The following CNTNAP2 variants were observed in gnomAD, a reference collection of about 807,000 sequenced individuals.
The protein encoded by CNTNAP2 is contactin-associated protein-like 2.
A neutral mutation model predicts 155.2 loss-of-function variants in CNTNAP2; 98 were observed. The ratio of observed to expected loss-of-function variants is 0.63; its 90% CI spans 0.54 to 0.75. The LOEUF is 0.75. Ranked by LOEUF, CNTNAP2 falls within the 30% of genes least tolerant of loss-of-function variation. The probability of loss-of-function intolerance (pLI) is 0.00; values close to 1 mark genes in which losing one functional copy is unlikely to be tolerated. For missense variants in CNTNAP2, 1,727 were observed against 1,688.1 expected (o/e 1.02, Z -0.40); for synonymous variants, 651 against 631.2 (o/e 1.03, Z -0.47).
chr7:147,917,339 A>C (rs752155840), intron 14 of CNTNAP2, among the ~76,000 whole-genome samples: 1 of 152,216 alleles, frequency 6.6e-6, no homozygotes, highest in Non-Finnish European at 1.5e-5. Flanking sequence ...TGCATATAAC[A>C]GAAAAATAAC....
intron 4 of CNTNAP2, among the ~76,000 whole-genome samples, chr7:147,072,051 G>A (rs138046030): frequency 3.9e-3 from 592 of 152,188 alleles, no homozygotes; most frequent in Non-Finnish European, 6.6e-3. Flanking sequence ...GTGCTCTCAA[G>A]GTAATAGAAG....
At chr7:146,552,164 T>G (rs1310296352) in intron 1 of CNTNAP2, among the ~76,000 whole-genome samples, 2 of 152,198 alleles carry the variant, frequency 1.3e-5, no homozygotes, top group South Asian at 2.1e-4. Flanking sequence ...TCATTATAGC[T>G]TTATCATGCC....
chr7:146,483,332 T>TAC (rs1563101867), intron 1 of CNTNAP2, among the ~76,000 whole-genome samples: 1 of 115,280 alleles, frequency 8.7e-6, no homozygotes, highest in African/African-American at 3.3e-5. Flanking sequence ...TATATATACA[T>TAC]ATATATATAT....
At chr7:146,482,257 AAAAG>A (rs1451734049) in intron 1 of CNTNAP2, among the ~76,000 whole-genome samples, 2 of 151,222 alleles carry the variant, frequency 1.3e-5, no homozygotes, top group African/African-American at 4.8e-5. Context: ...AAAAAGTAGA[AAAAG>A]AAGGAGAGTT....
At chr7:146,453,560 A>C (rs1796512555) in intron 1 of CNTNAP2, among the ~76,000 whole-genome samples, 1 of 152,198 alleles carries the variant, frequency 6.6e-6, no homozygotes, top group African/African-American at 2.4e-5. Flanking sequence ...ACTAAGCAGG[A>C]AAATATAACC....
At chr7:146,812,118 G>T (rs1473742692) in intron 2 of CNTNAP2, among the ~76,000 whole-genome samples, 1 of 152,074 alleles carries the variant, frequency 6.6e-6, no homozygotes, top group Admixed American at 6.6e-5. Context: ...TTTGGAACTG[G>T]GTAACAGACA....
At chr7:148,129,461 G>A (rs1804782110) in intron 16 of CNTNAP2, among the ~76,000 whole-genome samples, 1 of 152,118 alleles carries the variant, frequency 6.6e-6, no homozygotes, top group Non-Finnish European at 1.5e-5. Flanking sequence ...CTGGGTGGTA[G>A]AAATAGTCTT....
intron 8 of CNTNAP2, among the ~76,000 whole-genome samples, chr7:147,260,193 G>A (rs554611798): frequency 6.6e-6 from 1 of 152,286 alleles, no homozygotes; most frequent in African/African-American, 2.4e-5. Context: ...TTCCTAGTTT[G>A]CAACTTAACG....
chr7:147,867,961 T>C (rs886229808), intron 13 of CNTNAP2, among the ~76,000 whole-genome samples: 6 of 152,314 alleles, frequency 3.9e-5, no homozygotes, highest in East Asian at 1.9e-4. Flanking sequence ...AGCTTGTCAA[T>C]GTCATTCTCT....
rs183916672 is a variant in CNTNAP2 at position 146,588,764 on chromosome 7, C to T, written c.98-185507C>T. 8.7e-4 allele frequency among the ~76,000 whole-genome samples: 133 copies of T among 152,184 alleles called. 1 individual carries two copies. Among genetic ancestry groups the T allele is most frequent in the African/African-American group, 3.0e-3 (124 of 41,522 alleles). ...GCTCAAGCTATCGGCCGGCCTGTGCCTCCCAAAATGCTGGGGTTACAGGTG... is the reference window on the plus strand; with the variant it reads ...GCTCAAGCTATCGGCCGGCCTGTGCTTCCCAAAATGCTGGGGTTACAGGTG... On this transcript the variant is annotated intron_variant, in intron 1 of 23. Coordinates refer to ENST00000361727, the MANE Select transcript of CNTNAP2 (RefSeq NM_014141.6).
At chr7:147,661,252 G>A (rs759922600) in intron 13 of CNTNAP2, among the ~76,000 whole-genome samples, 1 of 150,810 alleles carries the variant, frequency 6.6e-6, no homozygotes, top group African/African-American at 2.5e-5. Flanking sequence ...AGAATGCCGT[G>A]TCATTTTTTT....
chr7:147,651,694 T>C (rs1795453381), intron 13 of CNTNAP2, among the ~76,000 whole-genome samples: 2 of 152,152 alleles, frequency 1.3e-5, no homozygotes, highest in Admixed American at 6.5e-5. Flanking sequence ...CAATGGCAAT[T>C]TGAGAGAATC....
rs190615341 is a variant in CNTNAP2, at chr7:147,215,859, T to A, written c.1348+83350T>A. On this transcript the variant is annotated intron_variant, in intron 8 of 23. Coordinates refer to ENST00000361727, the MANE Select transcript of CNTNAP2 (RefSeq NM_014141.6). ...TGCATCCTGGCCAATATTTGGTTTT[T>A]AAAGTGTTCTGGATTTTGGCCATTT... 2.6e-3 allele frequency among the ~76,000 whole-genome samples: 401 copies of A among 152,282 alleles called. 1 individual carries two copies. Among genetic ancestry groups the A allele is most frequent in the African/African-American group, 9.1e-3 (377 of 41,578 alleles).
intron 2 of CNTNAP2, among the ~76,000 whole-genome samples, chr7:146,823,847 G>A (rs183548516): frequency 2.4e-4 from 37 of 151,896 alleles, no homozygotes; most frequent in African/African-American, 6.8e-4. Context: ...CTTGGACCCC[G>A]TATTCTATAA....
intron 1 of CNTNAP2, among the ~76,000 whole-genome samples, chr7:146,617,735 A>C (rs2129155479): frequency 6.6e-6 from 1 of 152,352 alleles, no homozygotes; most frequent in African/African-American, 2.4e-5. Context: ...ATTTTGAAAC[A>C]GTAATAGTGA....
chr7:146,294,663 C>T (rs1366569144), intron 1 of CNTNAP2, among the ~76,000 whole-genome samples: 1 of 152,028 alleles, frequency 6.6e-6, no homozygotes, highest in Non-Finnish European at 1.5e-5. Context: ...TTCAGTTTAC[C>T]ACTATAGACT....
chr7:146,898,565 G>GTA lies in CNTNAP2; in HGVS notation c.402+58663_402+58664dup, dbSNP rs200347740. Among the ~76,000 whole-genome samples the GTA allele has an allele frequency of 9.3e-3, 1,410 of 151,938 alleles. 17 individuals carry two copies. The highest frequency in any genetic ancestry group is 0.033 in the African/African-American group (1,367 of 41,454). Reference sequence around the variant, plus strand: ...AATGGCATCTATTGTGTGTGTGTGTGTATGAATAATCTAATTGAGTGTATA... The same window carrying GTA: ...AATGGCATCTATTGTGTGTGTGTGTGTATATGAATAATCTAATTGAGTGTATA... On this transcript the variant is annotated intron_variant, in intron 3 of 23. Transcript: ENST00000361727.
chr7:147,234,374 G>A (rs975042293), intron 8 of CNTNAP2, among the ~76,000 whole-genome samples: 7 of 114,742 alleles, frequency 6.1e-5, no homozygotes, highest in African/African-American at 2.4e-4. Context: ...GTCTTGCTCT[G>A]TCACTCAGGC....
At chr7:147,137,750 G>A (rs1270625488) in intron 8 of CNTNAP2, among the ~76,000 whole-genome samples, 1 of 151,792 alleles carries the variant, frequency 6.6e-6, no homozygotes, top group African/African-American at 2.4e-5. Context: ...TTAATTATTT[G>A]AAAATATTCA....
Sources: allele counts gnomAD v4.1 joint callset (sites outside exome capture counted in the v4.1 genomes callset), GRCh38; gene constraint gnomAD v4.1.1; transcripts MANE v1.5; gene names NCBI Gene and HGNC (gene_info 2026-07-23, HGNC 2026-07-21).